Variants in ROBO1 observed in about 807,000 individuals in gnomAD.
ROBO1 encodes roundabout homolog 1.
In ROBO1, 149 loss-of-function variants were observed where a neutral mutation model predicts 195.9. That is an observed-to-expected ratio of 0.76 (90% CI 0.67 to 0.87). ROBO1 has a LOEUF of 0.87. ROBO1 is among the 40% of genes least tolerant of loss of function. ROBO1 has a pLI of 0.00. For missense variants in ROBO1, 1,933 were observed against 2,068.3 expected (o/e 0.93, Z 1.27); for synonymous variants, 816 against 733.2 (o/e 1.11, Z -1.82).
At chr3:79,640,113 T>C (rs983272668) in intron 1 of ROBO1, among the ~76,000 whole-genome samples, 4 of 152,154 alleles carry the variant, frequency 2.6e-5, no homozygotes, top group Non-Finnish European at 5.9e-5. Flanking sequence ...GTCTACCAAC[T>C]TCCCCTTTTG....
intron 1 of ROBO1, among the ~76,000 whole-genome samples, chr3:79,724,737 CA>C (rs1421316612): frequency 2.0e-5 from 3 of 152,174 alleles, no homozygotes; most frequent in Non-Finnish European, 4.4e-5. Context: ...AGTGTCCCAG[CA>C]AATCATGCCT....
At chr3:78,981,502 T>C (rs2076989168) in intron 3 of ROBO1, among the ~76,000 whole-genome samples, 2 of 152,138 alleles carry the variant, frequency 1.3e-5, no homozygotes, top group Non-Finnish European at 1.5e-5. Context: ...CATTTTTAAA[T>C]AGACAATCCA....
At chr3:78,732,086 A>C (rs1035013284) in intron 5 of ROBO1, among the ~76,000 whole-genome samples, 9 of 152,116 alleles carry the variant, frequency 5.9e-5, no homozygotes, top group Admixed American at 1.3e-4. Context: ...GAGAGTATCA[A>C]AACTTGCTCC....
At position 78,604,243 on chromosome 3, in the gene ROBO1, T is replaced by G. The variant is rs563019589; in HGVS notation, c.4744+2490A>C. Among the ~76,000 whole-genome samples the G allele has an allele frequency of 9.2e-5, 14 of 151,788 alleles. No individual in the cohort carries two copies. In the South Asian group the frequency reaches 2.5e-3, roughly 27 times the overall value. Reference sequence around the variant, plus strand: ...ACACAACCACACCCAGCTAATTTTTTTATTTTTAGTAGAGATGGGGTTTCA... The same window carrying G: ...ACACAACCACACCCAGCTAATTTTTGTATTTTTAGTAGAGATGGGGTTTCA... On this transcript the variant is annotated intron_variant, in intron 29 of 30. Coordinates refer to ENST00000464233, the MANE Select transcript of ROBO1 (RefSeq NM_002941.4).
intron 4 of ROBO1, among the ~76,000 whole-genome samples, chr3:78,823,087 C>G (rs1039927810): frequency 3.9e-5 from 6 of 152,248 alleles, no homozygotes; most frequent in African/African-American, 1.4e-4. Flanking sequence ...TGAAATGCTG[C>G]TGTCTTTAAT....
intron 4 of ROBO1, among the ~76,000 whole-genome samples, chr3:78,807,847 A>G (rs1238027702): frequency 2.0e-5 from 3 of 152,198 alleles, no homozygotes; most frequent in Non-Finnish European, 4.4e-5. Context: ...TAGGGAACTG[A>G]GATGGTGTCT....
Position 78,717,408 on chromosome 3 carries a change from GTCTC to G in ROBO1, c.780_783del (p.Glu260AspfsTer5). The G allele has an allele frequency of 6.2e-7, 1 of 1,613,376 alleles. No homozygotes were observed. On this transcript the variant is annotated frameshift_variant and splice_region_variant, in exon 7 of 31. Coordinates refer to ENST00000464233, the MANE Select transcript of ROBO1 (RefSeq NM_002941.4). LOFTEE classifies it high-confidence loss of function. Reference sequence around the variant, plus strand: ...TTACTGGGTCTCTTCACAAATGATGGTCTCTCTAAAATTAAAAAGAGTCATCTTA... The same window carrying G: ...TTACTGGGTCTCTTCACAAATGATGGTCTAAAATTAAAAAGAGTCATCTTA...
chr3:79,442,582 G>A (rs1261421628), intron 2 of ROBO1, among the ~76,000 whole-genome samples: 2 of 152,082 alleles, frequency 1.3e-5, no homozygotes, highest in Admixed American at 1.3e-4. Context: ...GAGGGTTGTG[G>A]CTGTGGAAGT....
At chr3:79,290,198 T>G (rs2032156775) in intron 2 of ROBO1, among the ~76,000 whole-genome samples, 1 of 152,016 alleles carries the variant, frequency 6.6e-6, no homozygotes, top group Admixed American at 6.6e-5. Context: ...CATGCCCAGC[T>G]AATTTTTATC....
chr3:79,493,146 T>C (rs1176631697), intron 2 of ROBO1, among the ~76,000 whole-genome samples: 1 of 152,048 alleles, frequency 6.6e-6, no homozygotes, highest in Non-Finnish European at 1.5e-5. Flanking sequence ...ATATAGCTAT[T>C]ATAACATATT....
At chr3:79,556,967 C>T (rs1942724146) in intron 2 of ROBO1, among the ~76,000 whole-genome samples, 2 of 149,070 alleles carry the variant, frequency 1.3e-5, no homozygotes, top group Admixed American at 6.7e-5. Context: ...TTATGGACTT[C>T]ATCTCCCACC....
At chr3:79,287,456 G>C in intron 2 of ROBO1, among the ~76,000 whole-genome samples, 1 of 152,046 alleles carries the variant, frequency 6.6e-6, no homozygotes, top group East Asian at 1.9e-4. Context: ...TGTTGATGGA[G>C]ATATTTAAAA....
chr3:79,688,692 T>C (rs1487216905), intron 1 of ROBO1, among the ~76,000 whole-genome samples: 1 of 152,106 alleles, frequency 6.6e-6, no homozygotes, highest in Non-Finnish European at 1.5e-5. Context: ...GAATTTTATT[T>C]GGATTAATTT....
intron 2 of ROBO1, among the ~76,000 whole-genome samples, chr3:79,543,874 TAC>T (rs1429831526): frequency 1.3e-5 from 2 of 152,234 alleles, no homozygotes; most frequent in Middle Eastern, 3.4e-3. Context: ...TGGTATCCTA[TAC>T]AGTTTCATCA....
At chr3:79,333,062 G>C (rs376507717) in intron 2 of ROBO1, among the ~76,000 whole-genome samples, 41 of 151,962 alleles carry the variant, frequency 2.7e-4, no homozygotes, top group South Asian at 6.2e-4. Context: ...AATTAGCCAG[G>C]GGGGGTAGCA....
intron 2 of ROBO1, among the ~76,000 whole-genome samples, chr3:79,536,665 A>T (rs2107628529): frequency 6.6e-6 from 1 of 151,764 alleles, no homozygotes; most frequent in East Asian, 1.9e-4. Context: ...TCATGAAACA[A>T]TATCAATAAT....
chr3:79,371,264 T>C (rs997309351), intron 2 of ROBO1, among the ~76,000 whole-genome samples: 3 of 152,198 alleles, frequency 2.0e-5, no homozygotes, highest in African/African-American at 7.2e-5. Context: ...ATTGACACAC[T>C]GTCTTCCACA....
chr3:79,245,517 T>A lies in ROBO1; in HGVS notation c.89-119978A>T, dbSNP rs563331591. 1.3e-4 allele frequency among the ~76,000 whole-genome samples: 20 copies of A among 152,108 alleles called. No homozygotes were observed. The South Asian group carries it at 4.1e-3, about 32-fold the overall frequency. The stretch of plus-strand genomic sequence containing the variant: ...AGCAACCAGCTGGCTAGCTTTGAGG[T>A]CTTTCCAGATATGTGTTGGGGATGG... On this transcript the variant is annotated intron_variant, in intron 2 of 30. Transcript: ENST00000464233.
At chr3:79,525,354 C>T (rs1005793012) in intron 2 of ROBO1, among the ~76,000 whole-genome samples, 1 of 149,222 alleles carries the variant, frequency 6.7e-6, no homozygotes, top group African/African-American at 2.4e-5. Flanking sequence ...TTTTAAAACA[C>T]TCATTGTACT....
Sources: gnomAD v4.1 joint callset for allele counts (sites outside exome capture counted in the v4.1 genomes callset) on GRCh38, gnomAD v4.1.1 for gene constraint, MANE v1.5 for transcripts, NCBI Gene and HGNC (gene_info 2026-07-23, HGNC 2026-07-21) for gene names.